The following CDH18 variants were observed in gnomAD, a reference collection of about 807,000 sequenced individuals.
CDH18 encodes the protein cadherin-18.
Under a neutral mutation model 67.9 loss-of-function variants are expected in CDH18, and 31 were observed. The ratio of observed to expected loss-of-function variants is 0.46; its 90% CI spans 0.34 to 0.62. CDH18 has a LOEUF of 0.62. CDH18 is among the 20% of genes least tolerant of loss of function. The pLI is 0.01. For synonymous variants in CDH18, 362 were observed against 347.2 expected (o/e 1.04, Z -0.48); for missense variants, 890 against 975.5 (o/e 0.91, Z 1.17).
At chr5:20,188,381 T>C (rs777308310) in intron 2 of CDH18, among the ~76,000 whole-genome samples, 2 of 152,006 alleles carry the variant, frequency 1.3e-5, no homozygotes, top group African/African-American at 4.8e-5. Context: ...CAATTACTGA[T>C]GCAAATCAGT....
At chr5:20,387,319 C>T (rs977985802) in intron 1 of CDH18, among the ~76,000 whole-genome samples, 3 of 152,116 alleles carry the variant, frequency 2.0e-5, no homozygotes, top group Non-Finnish European at 2.9e-5. Context: ...ATTTTATTCT[C>T]TTTGAAGCAA....
chr5:20,097,399 T>G (rs560634190), intron 2 of CDH18, among the ~76,000 whole-genome samples: 4 of 152,240 alleles, frequency 2.6e-5, no homozygotes, highest in South Asian at 2.1e-4. Flanking sequence ...CAAGAGAGTA[T>G]GTGCAGGGGA....
chr5:19,774,452 A>AAAATAAAATAAAT, intron 3 of CDH18, among the ~76,000 whole-genome samples: 1 of 11,566 alleles, frequency 8.6e-5, no homozygotes, highest in Non-Finnish European at 3.5e-4. Flanking sequence ...TAAAATAAAT[A>AAAATAAAATAAAT]AATAAATCAT....
chr5:19,581,782 G>A (rs989416850), intron 7 of CDH18, among the ~76,000 whole-genome samples: 1 of 151,892 alleles, frequency 6.6e-6, no homozygotes, highest in African/African-American at 2.4e-5. Flanking sequence ...TTGTTTTCTG[G>A]AAAAGTATTT....
chr5:19,656,094 T>C (rs1215829805), intron 5 of CDH18, among the ~76,000 whole-genome samples: 3 of 150,876 alleles, frequency 2.0e-5, no homozygotes, highest in Admixed American at 6.6e-5. Flanking sequence ...CATAACCAAC[T>C]TGAATGCAAT....
At chr5:20,503,279 T>A (rs1350908929) in intron 1 of CDH18, among the ~76,000 whole-genome samples, 1 of 144,350 alleles carries the variant, frequency 6.9e-6, no homozygotes, top group Non-Finnish European at 1.5e-5. Flanking sequence ...ACACAGTGAC[T>A]TTTTTTTAAT....
At chr5:20,148,466 A>G (rs1750842724) in intron 2 of CDH18, among the ~76,000 whole-genome samples, 1 of 152,138 alleles carries the variant, frequency 6.6e-6, no homozygotes, top group African/African-American at 2.4e-5. Context: ...TTTTGATTCT[A>G]AAAATCTAAG....
chr5:20,473,968 A>G (rs76952224), intron 1 of CDH18, among the ~76,000 whole-genome samples: 4,235 of 152,260 alleles, frequency 0.028, 197 homozygotes, highest in African/African-American at 0.095. Context: ...GTTCACTAGT[A>G]AAAATATCAT....
intron 1 of CDH18, among the ~76,000 whole-genome samples, chr5:20,464,981 T>A (rs1480047275): frequency 2.0e-5 from 3 of 152,050 alleles, no homozygotes; most frequent in African/African-American, 7.2e-5. Flanking sequence ...AAGAAGACAT[T>A]GGATTTGTTA....
At chr5:20,194,544 G>A (rs991561874) in intron 2 of CDH18, among the ~76,000 whole-genome samples, 1 of 152,036 alleles carries the variant, frequency 6.6e-6, no homozygotes, top group Non-Finnish European at 1.5e-5. Context: ...AGTCATGAAT[G>A]TTCGTGGGTT....
chr5:19,653,816 G>T (rs1319614420), intron 5 of CDH18, among the ~76,000 whole-genome samples: 1 of 152,060 alleles, frequency 6.6e-6, no homozygotes, highest in Non-Finnish European at 1.5e-5. Flanking sequence ...TTCTTGTGAT[G>T]GCCTGCACTT....
chr5:19,521,639 A>G (rs1453236252), intron 9 of CDH18, among the ~76,000 whole-genome samples: 2 of 152,146 alleles, frequency 1.3e-5, no homozygotes, highest in East Asian at 1.9e-4. Context: ...ATTGGGAAAA[A>G]GGGAATAAAT....
chr5:19,533,373 G>C (rs911174387), intron 9 of CDH18, among the ~76,000 whole-genome samples: 14 of 151,922 alleles, frequency 9.2e-5, no homozygotes, highest in Non-Finnish European at 1.0e-4. Context: ...GCAAAGTCAA[G>C]AGTCTTGTTA....
At chr5:19,748,036 CT>C (rs1260541433) in intron 3 of CDH18, among the ~76,000 whole-genome samples, 2 of 137,296 alleles carry the variant, frequency 1.5e-5, no homozygotes, top group Non-Finnish European at 3.1e-5. Flanking sequence ...TGGCGTGAAC[CT>C]GGGAGGCGGA....
intron 1 of CDH18, among the ~76,000 whole-genome samples, chr5:20,500,210 CA>C (rs1405041031): frequency 2.6e-5 from 4 of 152,096 alleles, no homozygotes; most frequent in Non-Finnish European, 5.9e-5. Flanking sequence ...GGCACTCAAA[CA>C]ATTAAATTGC....
intron 2 of CDH18, among the ~76,000 whole-genome samples, chr5:20,096,156 C>G (rs1332939633): frequency 6.6e-6 from 1 of 152,074 alleles, no homozygotes; most frequent in East Asian, 1.9e-4. Context: ...CTTTTATATG[C>G]CAGTTGAAAA....
rs142813273 is a variant in CDH18 at position 20,037,677 on chromosome 5, C to A, written c.-517-45663G>T. Among the ~76,000 whole-genome samples the A allele has an allele frequency of 1.3e-3, 192 of 152,142 alleles. 1 individual carries two copies. The highest frequency in any genetic ancestry group is 4.3e-3 in the African/African-American group (179 of 41,514). ...CAATGACAACAAAGACACAACATAC[C>A]AGAATCTCTGCGACACAGCTAAAGC... On this transcript the variant is annotated intron_variant, in intron 2 of 14. Transcript: ENST00000507958.
In CDH18 at chr5:20,217,555, C is replaced by T. The variant is rs111351885; in HGVS notation, c.-518+37889G>A. Reference sequence around the variant, plus strand: ...ATAAACAGCAAGGAATTAGAACATACCACCTGAGAAAATCATCTACAATAA... The same window carrying T: ...ATAAACAGCAAGGAATTAGAACATATCACCTGAGAAAATCATCTACAATAA... On this transcript the variant is annotated intron_variant, in intron 2 of 14. Coordinates refer to the CDH18 transcript ENST00000507958. 3.0e-4 allele frequency among the ~76,000 whole-genome samples: 46 copies of T among 151,364 alleles called. 1 individual carries two copies. The highest frequency in any genetic ancestry group is 1.1e-3 in the African/African-American group (44 of 41,314).
chr5:19,849,362 C>A (rs1410525860), intron 2 of CDH18, among the ~76,000 whole-genome samples: 1 of 151,666 alleles, frequency 6.6e-6, no homozygotes, highest in Non-Finnish European at 1.5e-5. Flanking sequence ...AGTAGAGGAT[C>A]AGGAGGCTAT....
Sources: gnomAD v4.1 joint callset for allele counts (sites outside exome capture counted in the v4.1 genomes callset) on GRCh38, gnomAD v4.1.1 for gene constraint, MANE v1.5 for transcripts, NCBI Gene and HGNC (gene_info 2026-07-23, HGNC 2026-07-21) for gene names.